SCN8A: variants seen among roughly 807,000 people sequenced by gnomAD.
The protein encoded by SCN8A is sodium voltage-gated channel alpha subunit 8, also known as sodium channel protein type 8 subunit alpha.
SCN8A carries 30 observed loss-of-function variants against 184.1 expected under a neutral mutation model. The ratio of observed to expected loss-of-function variants is 0.16; its 90% CI spans 0.12 to 0.22. The LOEUF is 0.22. Ranked by LOEUF, SCN8A falls within the 10% of genes least tolerant of loss-of-function variation. The pLI is 1.00. For missense variants in SCN8A, 1,057 were observed against 2,498.9 expected (o/e 0.42, Z 12.30); for synonymous variants, 852 against 907.0 (o/e 0.94, Z 1.09).
chr12:51,611,077 TAATC>T (rs1024884920), intron 1 of SCN8A, among the ~76,000 whole-genome samples: 3 of 152,254 alleles, frequency 2.0e-5, no homozygotes, highest in African/African-American at 7.2e-5. Flanking sequence ...ATATTCCAGT[TAATC>T]AACATGATAC....
chr12:51,727,082 G>A (rs918529380), intron 12 of SCN8A, among the ~76,000 whole-genome samples: 1 of 152,180 alleles, frequency 6.6e-6, no homozygotes, highest in Non-Finnish European at 1.5e-5. Context: ...CTAGAAATGT[G>A]GGCAGAATCT....
intron 1 of SCN8A, among the ~76,000 whole-genome samples, chr12:51,608,164 G>A (rs1291150889): frequency 1.3e-5 from 2 of 151,888 alleles, no homozygotes; most frequent in Non-Finnish European, 2.9e-5. Context: ...GGGGCTACAG[G>A]CGCCCACCAC....
intron 20 of SCN8A, among the ~76,000 whole-genome samples, chr12:51,778,860 G>T (rs941738738): frequency 1.3e-5 from 2 of 152,168 alleles, no homozygotes; most frequent in East Asian, 3.9e-4. Flanking sequence ...CTTCCCAGTA[G>T]GAAGAATTTA....
intron 12 of SCN8A, among the ~76,000 whole-genome samples, chr12:51,740,997 G>A (rs538693637): frequency 6.6e-5 from 10 of 152,188 alleles, no homozygotes; most frequent in Middle Eastern, 3.4e-3. Context: ...TGTTTCCCAG[G>A]CTGGTCTCAA....
At position 51,806,249 on chromosome 12, in the gene SCN8A, C is replaced by G; in HGVS notation, c.4796-33C>G. ...TAAAGAGAAAGGGTGTCTCCCATCTCAATAACATAACTTCTTCTATTCCTC... is the reference window on the plus strand; with the variant it reads ...TAAAGAGAAAGGGTGTCTCCCATCTGAATAACATAACTTCTTCTATTCCTC... On this transcript the variant is annotated intron_variant, in intron 26 of 26. Coordinates refer to ENST00000627620, the MANE Select transcript of SCN8A (RefSeq NM_001330260.2). This position sits in a 1 kb window ranked among gnomAD's most constrained non-coding sequence, Gnocchi z 8.7. 2 of 1,498,486 alleles carry G rather than the reference C, an allele frequency of 1.3e-6. No individual in the cohort carries two copies. The highest frequency in any genetic ancestry group is 1.8e-6 in the Non-Finnish European group (2 of 1,124,272). The allele number at this position is 1,498,486 out of a possible 1,614,324, so 92.8% of individuals were successfully genotyped here.
At chr12:51,728,570 C>A in intron 12 of SCN8A, among the ~76,000 whole-genome samples, 1 of 151,778 alleles carries the variant, frequency 6.6e-6, no homozygotes, top group African/African-American at 2.4e-5. Flanking sequence ...CTCATCTCTT[C>A]AAAAAAATTA....
chr12:51,687,420 A>C lies in SCN8A; in HGVS notation c.614+201A>C, dbSNP rs368875124. 9.9e-5 allele frequency among the ~76,000 whole-genome samples: 15 copies of C among 152,196 alleles called. No individual in the cohort carries two copies. The South Asian group carries it at 1.7e-3, about 17-fold the overall frequency. On this transcript the variant is annotated intron_variant, in intron 5 of 26. Coordinates refer to ENST00000627620, the MANE Select transcript of SCN8A (RefSeq NM_001330260.2). ...TGGTTCAGGCGATGATAATGTGATT[A>C]TGTGGGAGAAGGCAAGCAGAGGCTT...
chr12:51,703,591 A>G (rs917847961), intron 9 of SCN8A, among the ~76,000 whole-genome samples: 3 of 152,262 alleles, frequency 2.0e-5, no homozygotes, highest in Non-Finnish European at 4.4e-5. Flanking sequence ...TAAGGTCAGT[A>G]ACATTCTGTT....
At chr12:51,712,632 A>G (rs1375350033) in intron 11 of SCN8A, 10 of 782,074 alleles carry the variant, frequency 1.3e-5, no homozygotes, top group Non-Finnish European at 2.1e-5. Flanking sequence ...CCACCACCAT[A>G]GTTACCACCG....
intron 26 of SCN8A, among the ~76,000 whole-genome samples, chr12:51,803,529 C>T (rs1219488425): frequency 1.3e-5 from 2 of 151,934 alleles, no homozygotes; most frequent in African/African-American, 4.8e-5. Flanking sequence ...GCTCTGAAAC[C>T]ACCTACAGTA....
At chr12:51,792,652 C>T (rs555967114) in intron 25 of SCN8A, among the ~76,000 whole-genome samples, 22 of 152,106 alleles carry the variant, frequency 1.4e-4, no homozygotes, top group African/African-American at 4.1e-4. Context: ...GGTGTCTCCC[C>T]GTAAGCCAGG....
intron 12 of SCN8A, among the ~76,000 whole-genome samples, chr12:51,743,095 G>A (rs1942454186): frequency 6.6e-6 from 1 of 152,148 alleles, no homozygotes; most frequent in African/African-American, 2.4e-5. Context: ...TTATCTGATA[G>A]AATGCTGAAT....
intron 3 of SCN8A, among the ~76,000 whole-genome samples, chr12:51,685,567 G>A (rs565383750): frequency 2.6e-5 from 4 of 152,258 alleles, no homozygotes; most frequent in Non-Finnish European, 4.4e-5. Flanking sequence ...AAACATTCCT[G>A]GACACTTTCA....
chr12:51,592,775 A>C (rs1428210472), intron 1 of SCN8A, among the ~76,000 whole-genome samples: 1 of 151,928 alleles, frequency 6.6e-6, no homozygotes, highest in African/African-American at 2.4e-5. Context: ...CCCAAGTTTG[A>C]ACCTGGAGAG....
rs745453142 is a variant in SCN8A at position 51,774,170 on chromosome 12, G to T, written c.3646-19G>T. The stretch of plus-strand genomic sequence containing the variant: ...TTGCCTTTAGGCACTGTCATAGGCA[G>T]CTGCTGCCTCTCTTTTAGGCCTTCG... On this transcript the variant is annotated intron_variant, in intron 19 of 26. Coordinates refer to ENST00000627620, the MANE Select transcript of SCN8A (RefSeq NM_001330260.2). The T allele has an allele frequency of 8.1e-6, 13 of 1,612,350 alleles. No individual in the cohort carries two copies.
intron 11 of SCN8A, among the ~76,000 whole-genome samples, chr12:51,718,035 A>G (rs1941993532): frequency 6.6e-6 from 1 of 152,212 alleles, no homozygotes; most frequent in South Asian, 2.1e-4. Context: ...GAATTATCCA[A>G]AGAAAATATA....
intron 2 of SCN8A, among the ~76,000 whole-genome samples, chr12:51,682,871 A>G (rs888493064): frequency 6.6e-6 from 1 of 152,062 alleles, no homozygotes; most frequent in Non-Finnish European, 1.5e-5. Flanking sequence ...ACACTGAATT[A>G]CTGGTCAATT....
At chr12:51,610,229 G>A (rs910894491) in intron 1 of SCN8A, among the ~76,000 whole-genome samples, 2 of 145,920 alleles carry the variant, frequency 1.4e-5, no homozygotes, top group Non-Finnish European at 3.0e-5. Flanking sequence ...GTGTCCGGTT[G>A]TATGAAATGC....
chr12:51,679,246 T>G (rs769474425), intron 2 of SCN8A, among the ~76,000 whole-genome samples: 7 of 151,892 alleles, frequency 4.6e-5, no homozygotes, highest in Non-Finnish European at 8.8e-5. Context: ...CTACAAAAAA[T>G]AAAAATAAAA....
Sources: gnomAD v4.1 joint callset for allele counts (sites outside exome capture counted in the v4.1 genomes callset) on GRCh38, gnomAD v4.1.1 for gene constraint, Gnocchi (gnomAD v3.1) non-coding constraint, MANE v1.5 for transcripts, NCBI Gene and HGNC (gene_info 2026-07-23, HGNC 2026-07-21) for gene names.